Variants in SCAF4 observed in about 807,000 individuals in gnomAD.
The protein encoded by SCAF4 is SR-related and CTD-associated factor 4.
Under a neutral mutation model 129.8 loss-of-function variants are expected in SCAF4, and 25 were observed. The observed-to-expected ratio is 0.19, with a 90% CI of 0.14 to 0.27. The LOEUF is 0.27. SCAF4 is among the 10% of genes least tolerant of loss of function. The pLI is 1.00. For synonymous variants in SCAF4, 551 were observed against 497.7 expected (o/e 1.11, Z -1.43); for missense variants, 1,246 against 1,457.1 (o/e 0.86, Z 2.36).
chr21:31,723,629 T>TGTGTGTGTGTGTGTGTGTGTGTGCGCGC (rs1271033175), intron 1 of SCAF4, among the ~76,000 whole-genome samples: 31 of 148,994 alleles, frequency 2.1e-4, no homozygotes, highest in African/African-American at 7.4e-4. Context: ...TGTGTGTGTG[T>TGTGTGTGTGTGTGTGTGTGTGTGCGCGC]GCGCGCGCGC....
intron 1 of SCAF4, among the ~76,000 whole-genome samples, chr21:31,719,598 G>A (rs543367181): frequency 6.6e-6 from 1 of 152,152 alleles, no homozygotes; most frequent in East Asian, 1.9e-4. Flanking sequence ...TCCGCCTCCT[G>A]GGTCTAAGCG....
chr21:31,676,806 T>C (rs532308796), intron 19 of SCAF4, among the ~76,000 whole-genome samples: 2 of 152,208 alleles, frequency 1.3e-5, no homozygotes, highest in Non-Finnish European at 2.9e-5. Context: ...AACATTTTTA[T>C]TACCCTAAAA....
chr21:31,724,895 T>C (rs980041466), intron 1 of SCAF4, among the ~76,000 whole-genome samples: 6 of 152,184 alleles, frequency 3.9e-5, no homozygotes, highest in African/African-American at 1.4e-4. Context: ...CTAGACAAAA[T>C]GATAGACTAG....
At chr21:31,724,679 C>G (rs1226641876) in intron 1 of SCAF4, among the ~76,000 whole-genome samples, 1 of 152,054 alleles carries the variant, frequency 6.6e-6, no homozygotes, top group African/African-American at 2.4e-5. Context: ...CCCCATGACA[C>G]AGAACAACCT....
chr21:31,685,142 C>G lies in SCAF4; in HGVS notation c.2395G>C (p.Gly799Arg). ...GAGCCATACATTTTCACGCTGTCAC[C>G]AGACTCGGCGTTTCCTCTAGCCCCA... ...VSGARGNAES[G>R]DSVKMYGSAV... The change falls in exon 19 of 20, where the codon GGT (glycine) becomes CGT (arginine). Residue 799 changes from glycine (G) to arginine (R), a missense_variant. By Grantham distance (125) the Gly-to-Arg change is moderately radical. Transcript: ENST00000286835. 1 of 1,613,068 alleles carries G rather than the reference C, an allele frequency of 6.2e-7. No individual in the cohort carries two copies. The highest frequency in any genetic ancestry group is 8.5e-7 in the Non-Finnish European group (1 of 1,179,806).
At chr21:31,706,465 G>A (rs955222154) in intron 1 of SCAF4, 108 bp from the exon 2 acceptor site, 12 of 711,948 alleles carry the variant, frequency 1.7e-5, no homozygotes, top group Non-Finnish European at 2.9e-5. Context: ...AACGGGGCCG[G>A]GGTGGTGAGG....
At chr21:31,677,747 A>G (rs552742675) in intron 19 of SCAF4, among the ~76,000 whole-genome samples, 1 of 152,208 alleles carries the variant, frequency 6.6e-6, no homozygotes, top group East Asian at 1.9e-4. Context: ...CCTTTGCTGG[A>G]GAGTACAGTA....
At chr21:31,707,427 TCCATGAGACTTAA>T (rs1179187006) in intron 1 of SCAF4, among the ~76,000 whole-genome samples, 1 of 152,174 alleles carries the variant, frequency 6.6e-6, no homozygotes, top group Non-Finnish European at 1.5e-5. Context: ...ATCAGGTGCT[TCCATGAGACTTAA>T]CCACATACTT....
At chr21:31,686,161 C>A (rs1330988216) in intron 16 of SCAF4, among the ~76,000 whole-genome samples, 1 of 149,132 alleles carries the variant, frequency 6.7e-6, no homozygotes, top group Admixed American at 6.7e-5. Context: ...CGAGATTGCA[C>A]CACTGCACTC....
At chr21:31,689,830 G>A (rs2050216507) in intron 15 of SCAF4, among the ~76,000 whole-genome samples, 1 of 151,776 alleles carries the variant, frequency 6.6e-6, no homozygotes, top group South Asian at 2.1e-4. Context: ...AGCTACTTGG[G>A]AGGCTGAGGC....
intron 1 of SCAF4, among the ~76,000 whole-genome samples, chr21:31,707,753 T>C (rs1008406812): frequency 6.6e-6 from 1 of 152,182 alleles, no homozygotes; most frequent in African/African-American, 2.4e-5. Flanking sequence ...AAAATATGAG[T>C]GTTTTCTCAG....
intron 19 of SCAF4, 51 bp downstream of exon 19, chr21:31,684,998 G>GA (rs2050081057): frequency 1.7e-6 from 1 of 590,134 alleles, no homozygotes; most frequent in African/African-American, 2.9e-5. Context: ...GGGTGGGGGG[G>GA]TGGGGGGGGG....
rs140365941 is a variant in SCAF4, at chr21:31,678,088, C to T, written c.2489-5734G>A. Reference sequence around the variant, plus strand: ...CCTTAGGTAATCTCACAGGCTCCTGCGGCTTTAAATATTATCTTTATCTGC... The same window carrying T: ...CCTTAGGTAATCTCACAGGCTCCTGTGGCTTTAAATATTATCTTTATCTGC... On this transcript the variant is annotated intron_variant, in intron 19 of 19. Coordinates refer to ENST00000286835, the MANE Select transcript of SCAF4 (RefSeq NM_020706.2). 3.0e-3 allele frequency among the ~76,000 whole-genome samples: 461 copies of T among 152,244 alleles called. 5 individuals are homozygous for T. The highest frequency in any genetic ancestry group is 0.01 in the African/African-American group (435 of 41,544).
At position 31,672,348 on chromosome 21, in the gene SCAF4, T is replaced by C. The variant is rs2049730960; in HGVS notation, c.2495A>G (p.Gln832Arg). The change falls in exon 20 of 20, where the codon CAA becomes CGA. Residue 832 changes from glutamine to arginine, a missense_variant. Transcript: ENST00000286835. ...VTQPVSLLGT[Q>R]GVAPGPVIGL... ...AATTACAGGACCAGGGGCAACTCCT[T>C]GAGTGCCTAAAAGACGACAAAAATA... The C allele has an allele frequency of 6.2e-7, 1 of 1,611,922 alleles. No homozygotes were observed. Among genetic ancestry groups the C allele is most frequent in the East Asian group, 2.2e-5 (1 of 44,862 alleles).
chr21:31,695,711 T>C (rs1405726353), intron 9 of SCAF4, among the ~76,000 whole-genome samples: 4 of 152,210 alleles, frequency 2.6e-5, no homozygotes, highest in Admixed American at 2.0e-4. Context: ...AACTCTCCAG[T>C]GTGCTATGTA....
In SCAF4 at chr21:31,673,057, C is replaced by T. The variant is rs189166272; in HGVS notation, c.2489-703G>A. 1.1e-4 allele frequency among the ~76,000 whole-genome samples: 17 copies of T among 152,258 alleles called. No homozygotes were observed. In the East Asian group the frequency reaches 3.1e-3, roughly 28 times the overall value. On this transcript the variant is annotated intron_variant, in intron 19 of 19. Coordinates refer to ENST00000286835, the MANE Select transcript of SCAF4 (RefSeq NM_020706.2). ...TAATGCTCAATGTTCAGCTGTTCACCTTCTATTCATTATTTCTATTCATTC... is the reference window on the plus strand; with the variant it reads ...TAATGCTCAATGTTCAGCTGTTCACTTTCTATTCATTATTTCTATTCATTC...
intron 1 of SCAF4, among the ~76,000 whole-genome samples, chr21:31,726,596 C>T (rs112400697): frequency 0.03 from 4,525 of 152,170 alleles, 193 homozygotes; most frequent in African/African-American, 0.1. Context: ...GCCCAGGAGG[C>T]GGAGGTTGCA....
chr21:31,701,184 G>A lies in SCAF4; in HGVS notation c.601-13C>T. ...GGATCTGCTGAAGCTTAAAGAATGG[G>A]AAAACCAATAAATCACAGAACAAAG... On this transcript the variant is annotated splice_polypyrimidine_tract_variant and intron_variant, in intron 6 of 19. Coordinates refer to ENST00000286835, the MANE Select transcript of SCAF4 (RefSeq NM_020706.2). 6.5e-7 allele frequency: 1 copy of A among 1,532,920 alleles called. No homozygotes were observed. 95.0% of individuals were successfully genotyped at this position (1,532,920 alleles called of 1,614,324 possible).
intron 1 of SCAF4, among the ~76,000 whole-genome samples, chr21:31,711,186 TA>T (rs1322462925): frequency 6.6e-6 from 1 of 152,250 alleles, no homozygotes; most frequent in Non-Finnish European, 1.5e-5. Context: ...TTGCATTTGA[TA>T]TAATTTACGA....
Sources: gnomAD v4.1 joint callset for allele counts (sites outside exome capture counted in the v4.1 genomes callset) on GRCh38, gnomAD v4.1.1 for gene constraint, MANE v1.5 for transcripts, NCBI Gene and HGNC (gene_info 2026-07-23, HGNC 2026-07-21) for gene names.